Variants in PPP3CA observed in about 807,000 individuals in gnomAD.
The protein encoded by PPP3CA is CAM-PRP catalytic subunit.
A neutral mutation model predicts 66.5 loss-of-function variants in PPP3CA; 14 were observed. The ratio of observed to expected loss-of-function variants is 0.21; its 90% CI spans 0.14 to 0.33. The LOEUF (loss-of-function observed/expected upper bound fraction) is 0.33, where lower values mean the gene tolerates loss of function less well. PPP3CA is among the 10% of genes least tolerant of loss of function. The pLI is 1.00. For synonymous variants in PPP3CA, 232 were observed against 226.2 expected (o/e 1.03, Z -0.23); for missense variants, 317 against 639.5 (o/e 0.50, Z 5.44).
At chr4:101,233,753 T>C (rs1726037557) in intron 1 of PPP3CA, among the ~76,000 whole-genome samples, 1 of 151,570 alleles carries the variant, frequency 6.6e-6, no homozygotes. Flanking sequence ...TTTTAACTTT[T>C]ATTTTAGGTG....
intron 1 of PPP3CA, among the ~76,000 whole-genome samples, chr4:101,250,901 CA>C (rs1726653442): frequency 6.6e-6 from 1 of 151,844 alleles, no homozygotes; most frequent in Admixed American, 6.6e-5. Flanking sequence ...CTGTGATTAC[CA>C]AGGGGCTCTT....
At chr4:101,298,339 G>GATATATATATAT (rs3078022) in intron 1 of PPP3CA, among the ~76,000 whole-genome samples, 84 of 143,818 alleles carry the variant, frequency 5.8e-4, no homozygotes, top group African/African-American at 2.1e-3. Flanking sequence ...CAAGCAGGGA[G>GATATATATATAT]ATATATATAT....
chr4:101,208,973 A>C (rs922158979), intron 1 of PPP3CA, among the ~76,000 whole-genome samples: 1 of 152,208 alleles, frequency 6.6e-6, no homozygotes, highest in Non-Finnish European at 1.5e-5. Flanking sequence ...TCTACTCATT[A>C]CATAAATGGA....
intron 1 of PPP3CA, among the ~76,000 whole-genome samples, chr4:101,333,349 A>T (rs1729507655): frequency 8.4e-6 from 1 of 118,754 alleles, no homozygotes; most frequent in African/African-American, 3.9e-5. Context: ...GGCTGGTCTC[A>T]AATTCCTAGG....
At chr4:101,283,659 C>T (rs1322345159) in intron 1 of PPP3CA, among the ~76,000 whole-genome samples, 1 of 152,180 alleles carries the variant, frequency 6.6e-6, no homozygotes. Context: ...CTGGCAGGTA[C>T]GCAATCATTC....
chr4:101,055,744 G>T (rs990427969), intron 10 of PPP3CA, among the ~76,000 whole-genome samples: 8 of 152,026 alleles, frequency 5.3e-5, no homozygotes, highest in Admixed American at 3.3e-4. Context: ...TTTCTTCTTA[G>T]CCTATGTTAA....
rs1300776722 is a variant in PPP3CA, at chr4:101,106,425, GAAAGAAAGAAAGAAAGAAAGAAAGA to G, written c.384+2504_384+2528del. 2.0e-3 allele frequency among the ~76,000 whole-genome samples: 22 copies of G among 10,766 alleles called. 5 individuals are homozygous for G. Among genetic ancestry groups the G allele is most frequent in the East Asian group, 0.013 (6 of 472 alleles). The allele number at this position is 10,766 out of a possible 152,430, so 7.1% of individuals were successfully genotyped here. On this transcript the variant is annotated intron_variant, in intron 3 of 13. Coordinates refer to ENST00000394854, the MANE Select transcript of PPP3CA (RefSeq NM_000944.5). ...AGAAAGAAAGAAAGAAAGAAAGAAA[GAAAGAAAGAAAGAAAGAAAGAAAGA>G]AAGAGAAAAGAAAAGAAAAGAAAAG...
intron 1 of PPP3CA, among the ~76,000 whole-genome samples, chr4:101,311,411 G>A (rs1431352604): frequency 2.0e-5 from 3 of 152,160 alleles, no homozygotes; most frequent in Non-Finnish European, 4.4e-5. Context: ...CCTGAAGTCT[G>A]TAGCTATTTG....
chr4:101,280,945 T>C (rs1223237308), intron 1 of PPP3CA, among the ~76,000 whole-genome samples: 1 of 151,436 alleles, frequency 6.6e-6, no homozygotes. Flanking sequence ...GGTTAGAGAC[T>C]GGAGAAACAA....
chr4:101,035,969 A>G (rs1727226360), intron 11 of PPP3CA, among the ~76,000 whole-genome samples: 1 of 152,184 alleles, frequency 6.6e-6, no homozygotes, highest in East Asian at 1.9e-4. Context: ...CTATCTCCAG[A>G]TCCGTGCTTT....
chr4:101,231,680 C>T (rs149437195), intron 1 of PPP3CA, among the ~76,000 whole-genome samples: 43 of 151,868 alleles, frequency 2.8e-4, no homozygotes, highest in African/African-American at 9.2e-4. Context: ...GCTGCAAATA[C>T]TTGATATTTG....
intron 1 of PPP3CA, among the ~76,000 whole-genome samples, chr4:101,232,771 C>T (rs1726003171): frequency 1.3e-5 from 2 of 151,582 alleles, no homozygotes; most frequent in Admixed American, 1.3e-4. Context: ...AGTTTCATGA[C>T]CTTAAATAAA....
chr4:101,054,388 T>A (rs111618324), intron 10 of PPP3CA, among the ~76,000 whole-genome samples: 1 of 152,116 alleles, frequency 6.6e-6, no homozygotes, highest in Non-Finnish European at 1.5e-5. Flanking sequence ...CAAACCCATT[T>A]AGATTCTGTG....
intron 2 of PPP3CA, among the ~76,000 whole-genome samples, chr4:101,190,644 G>T (rs1431066920): frequency 6.6e-6 from 1 of 151,902 alleles, no homozygotes; most frequent in East Asian, 1.9e-4. Flanking sequence ...TACATTTTTT[G>T]TTTGATACAC....
At chr4:101,249,531 C>T (rs1726605203) in intron 1 of PPP3CA, among the ~76,000 whole-genome samples, 1 of 151,396 alleles carries the variant, frequency 6.6e-6, no homozygotes, top group Non-Finnish European at 1.5e-5. Flanking sequence ...CAAAGTTAAA[C>T]ATCAAAAAAA....
intron 2 of PPP3CA, among the ~76,000 whole-genome samples, chr4:101,157,488 T>A (rs1249758380): frequency 6.6e-6 from 1 of 152,090 alleles, no homozygotes; most frequent in Non-Finnish European, 1.5e-5. Context: ...AAAGAAGAAA[T>A]GAAGACAGTC....
At chr4:101,220,997 GA>G (rs1426172659) in intron 1 of PPP3CA, among the ~76,000 whole-genome samples, 1 of 151,642 alleles carries the variant, frequency 6.6e-6, no homozygotes, top group African/African-American at 2.4e-5. Flanking sequence ...CCAGTGAATA[GA>G]ATTTTTATTA....
At chr4:101,081,352 G>A (rs959499634) in intron 7 of PPP3CA, among the ~76,000 whole-genome samples, 4 of 152,000 alleles carry the variant, frequency 2.6e-5, no homozygotes, top group Non-Finnish European at 5.9e-5. Context: ...AAAGATTATT[G>A]TCTCAGCAGG....
chr4:101,206,130 C>CCACAGT (rs1410134250), intron 1 of PPP3CA, among the ~76,000 whole-genome samples: 1 of 152,184 alleles, frequency 6.6e-6, no homozygotes, highest in African/African-American at 2.4e-5. Flanking sequence ...CTGTTCTCAT[C>CCACAGT]CACAGTCTGC....
Sources: gnomAD v4.1 joint callset for allele counts (sites outside exome capture counted in the v4.1 genomes callset) on GRCh38, gnomAD v4.1.1 for gene constraint, MANE v1.5 for transcripts, NCBI Gene and HGNC (gene_info 2026-07-23, HGNC 2026-07-21) for gene names.